SSC4D: variants seen among roughly 807,000 people sequenced by gnomAD.
SSC4D encodes the protein scavenger receptor cysteine-rich domain-containing group B protein.
A neutral mutation model predicts 63.4 loss-of-function variants in SSC4D; 57 were observed. The observed-to-expected ratio is 0.90, with a 90% CI of 0.73 to 1.12. The LOEUF (loss-of-function observed/expected upper bound fraction) is 1.12, where lower values mean the gene tolerates loss of function less well. Ranked by LOEUF, SSC4D falls within the 50% of genes most tolerant of loss-of-function variation. The probability of loss-of-function intolerance (pLI) is 0.00; values close to 1 mark genes in which losing one functional copy is unlikely to be tolerated. For missense variants in SSC4D, 791 were observed against 806.4 expected, an observed-to-expected ratio of 0.98 and a Z score of 0.23; for synonymous variants, 352 against 345.4, an observed-to-expected ratio of 1.02 and a Z score of -0.21.
intron 7 of SSC4D, 128 bp downstream of exon 7, chr7:76,395,125 G>A: frequency 9.8e-7 from 1 of 1,023,064 alleles, no homozygotes; most frequent in South Asian, 1.4e-5. Context: ...ACCCACCTCT[G>A]CACCATCTGG....
chr7:76,404,219 C>A, intron 2 of SSC4D, 88 bp downstream of exon 2: 1 of 1,443,320 alleles, frequency 6.9e-7, no homozygotes. Flanking sequence ...CGAGCTCATT[C>A]ACAACCCTCC....
intron 9 of SSC4D, among the ~76,000 whole-genome samples, chr7:76,392,966 T>G (rs1237220285): frequency 6.6e-6 from 1 of 152,184 alleles, no homozygotes; most frequent in African/African-American, 2.4e-5. Flanking sequence ...TCTGCCAAAC[T>G]GCAAACACCC....
At chr7:76,395,095 C>T (rs1804605495) in intron 7 of SSC4D, among the ~76,000 whole-genome samples, 158 bp downstream of exon 7, 1 of 152,048 alleles carries the variant, frequency 6.6e-6, no homozygotes, top group African/African-American at 2.4e-5. Context: ...ATCCTTGCTC[C>T]GTCTGCTCAT....
At position 76,390,022 on chromosome 7, in the gene SSC4D, C is replaced by G. The variant is rs1804459012; in HGVS notation, c.*37G>C. On this transcript the variant is annotated 3_prime_UTR_variant, in exon 11 of 11. Coordinates refer to ENST00000275560, the MANE Select transcript of SSC4D (RefSeq NM_080744.2). ...CCTGGAGGAGGAAGGGAGGTCACAGCTCCCAGAAGAAGAGGTGGTCTGCAG... is the reference window on the plus strand; with the variant it reads ...CCTGGAGGAGGAAGGGAGGTCACAGGTCCCAGAAGAAGAGGTGGTCTGCAG... 1.2e-6 allele frequency: 2 copies of G among 1,612,252 alleles called. No homozygotes were observed. Among genetic ancestry groups the G allele is most frequent in the Non-Finnish European group, 1.7e-6 (2 of 1,178,916 alleles).
At chr7:76,405,339 C>CTTTCTTTCTTTT (rs1271510975) in intron 1 of SSC4D, among the ~76,000 whole-genome samples, 1 of 21,392 alleles carries the variant, frequency 4.7e-5, no homozygotes, top group African/African-American at 2.1e-4. Context: ...TTCTTTCTTT[C>CTTTCTTTCTTTT]TTTTTTTTTT....
intron 10 of SSC4D, 115 bp downstream of exon 10, chr7:76,391,849 T>G (rs1804499726): frequency 9.1e-7 from 1 of 1,093,340 alleles, no homozygotes; most frequent in Non-Finnish European, 1.4e-6. Flanking sequence ...GGACAAGACT[T>G]CCAGGTCCCG....
At position 76,400,370 on chromosome 7, in the gene SSC4D, C is replaced by G; in HGVS notation, c.391G>C (p.Glu131Gln). Reference sequence around the variant, plus strand: ...CTGCCGCACTCGCTCAGCGCAGCTTCCTGCCCGCGGCACTCCACGTTGTCC... The same window carrying G: ...CTGCCGCACTCGCTCAGCGCAGCTTGCTGCCCGCGGCACTCCACGTTGTCC... ...LLDNVECRGQ[E>Q]AALSECGSRG... The change falls in exon 4 of 11, where the codon GAA becomes CAA. Residue 131 changes from glutamate to glutamine, a missense_variant. Physicochemically the swap from Glu to Gln is conservative, Grantham distance 29. Transcript: ENST00000275560. The G allele has an allele frequency of 1.3e-6, 2 of 1,587,250 alleles. No homozygotes were observed. The highest frequency in any genetic ancestry group is 1.7e-6 in the Non-Finnish European group (2 of 1,163,324).
chr7:76,399,224 G>T (rs572006148), intron 4 of SSC4D, among the ~76,000 whole-genome samples: 1 of 151,974 alleles, frequency 6.6e-6, no homozygotes, highest in Admixed American at 6.6e-5. Context: ...TGTTGGTCAG[G>T]CTGGTCTTGA....
At chr7:76,396,273 C>A (rs1043742051) in intron 6 of SSC4D, among the ~76,000 whole-genome samples, 7 of 152,226 alleles carry the variant, frequency 4.6e-5, no homozygotes, top group Non-Finnish European at 7.3e-5. Flanking sequence ...ATGAGATACG[C>A]CCACTCGTAT....
chr7:76,409,323 T>TCACACA (rs3081030), intron 1 of SSC4D, 91 bp downstream of exon 1: 17 of 146,428 alleles, frequency 1.2e-4, no homozygotes, highest in African/African-American at 4.0e-4. Context: ...TCTCTCTGTC[T>TCACACA]CACACACACA....
At position 76,400,455 on chromosome 7, in the gene SSC4D, G is replaced by A. The variant is rs1804782745; in HGVS notation, c.306C>T (p.Gly102=). 1.2e-6 allele frequency: 2 copies of A among 1,608,644 alleles called. No individual in the cohort carries two copies. Among genetic ancestry groups the A allele is most frequent in the Middle Eastern group, 1.6e-4 (1 of 6,066 alleles). The change falls in exon 4 of 11, where the codon GGC becomes GGT. Residue 102 remains glycine, a synonymous_variant. Coordinates refer to ENST00000275560, the MANE Select transcript of SSC4D (RefSeq NM_080744.2). The stretch of plus-strand genomic sequence containing the variant: ...GGGGCCGTGGCACGGGCAGTGCCAG[G>A]CCACAGCCCAGCTGGCGACACACTA... The part of the protein sequence containing the change: ...ANVVCRQLGC[G]LALPVPRPLA...
In SSC4D at chr7:76,392,026, C is replaced by A; in HGVS notation, c.1349G>T (p.Gly450Val). The A allele has an allele frequency of 1.3e-6, 2 of 1,577,694 alleles. No individual in the cohort carries two copies. Among genetic ancestry groups the A allele is most frequent in the East Asian group, 2.3e-5 (1 of 43,286 alleles). ...GALCAGPEELGLQVQQDGSET... is the reference protein window; with the variant it reads ...GALCAGPEELVLQVQQDGSET... The stretch of plus-strand genomic sequence containing the variant: ...AGAACCATCCTGCTGGACTTGCAGT[C>A]CCAGCTCCTCTGGGCCTGGTTCAGG... Residue 450 changes from glycine (G) to valine (V), a missense_variant, in exon 10 of 11, where the codon GGA (glycine) becomes GTA (valine). By Grantham distance (109) the Gly-to-Val change is moderately radical. Transcript: ENST00000275560.
chr7:76,393,889 G>A lies in SSC4D; in HGVS notation c.962C>T (p.Pro321Leu), dbSNP rs889226499. The stretch of plus-strand genomic sequence containing the variant: ...CAGTGCTGTCTCCCGGGAAGGCTGG[G>A]GGCCAACTCCTGTAGCTGTGGAGAC... ...QTDPSATGVG[P>L]QPSRETALLT... The change falls in exon 8 of 11, where the codon CCC (proline) becomes CTC (leucine). Residue 321 changes from proline to leucine, a missense_variant. By Grantham distance (98) the Pro-to-Leu change is moderately conservative (BLOSUM62 -3). Coordinates refer to ENST00000275560, the MANE Select transcript of SSC4D (RefSeq NM_080744.2). 6.2e-7 allele frequency: 1 copy of A among 1,605,054 alleles called. No homozygotes were observed. The highest frequency in any genetic ancestry group is 8.5e-7 in the Non-Finnish European group (1 of 1,175,512).
At chr7:76,394,472 G>A (rs150482155) in intron 7 of SSC4D, among the ~76,000 whole-genome samples, 1,883 of 150,720 alleles carry the variant, frequency 0.012, 25 homozygotes, top group Admixed American at 0.034. Flanking sequence ...GTGCAGTGGC[G>A]CAATCTCAGC....
At chr7:76,405,271 T>TTATATATA (rs1171830870) in intron 1 of SSC4D, among the ~76,000 whole-genome samples, 93 of 9,118 alleles carry the variant, frequency 0.01, 4 homozygotes, top group Non-Finnish European at 0.014. Flanking sequence ...ACCCAGCTAA[T>TTATATATA]TATATATATA....
Position 76,406,020 on chromosome 7 carries a change from C to T in SSC4D, c.-66-1515G>A, listed in dbSNP as rs547649047. 2.0e-5 allele frequency among the ~76,000 whole-genome samples: 3 copies of T among 150,808 alleles called. No individual in the cohort carries two copies. In the Admixed American group the frequency reaches 2.0e-4, roughly 10 times the overall value. On this transcript the variant is annotated intron_variant, in intron 1 of 10. Coordinates refer to ENST00000275560, the MANE Select transcript of SSC4D (RefSeq NM_080744.2). Reference sequence around the variant, plus strand: ...TTTCTTTCTTTGATGGAGTCTCGCTCTGTCGTCCAGGCTGGAATGCAATGG... The same window carrying T: ...TTTCTTTCTTTGATGGAGTCTCGCTTTGTCGTCCAGGCTGGAATGCAATGG...
Position 76,405,274 on chromosome 7 carries a change from TATA to T in SSC4D, c.-66-772_-66-770del, listed in dbSNP as rs1563686783. 8.0e-3 allele frequency among the ~76,000 whole-genome samples: 170 copies of T among 21,248 alleles called. 5 individuals carry two copies. Among genetic ancestry groups the T allele is most frequent in the Non-Finnish European group, 0.011 (142 of 12,844 alleles). 13.9% of individuals were successfully genotyped at this position (21,248 alleles called of 152,430 possible). A position where few individuals can be genotyped will look rare whatever the true frequency, so the allele number is the denominator to read the frequency against. ...GTGCATCACCACACCCAGCTAATTA[TATA>T]TATATATATATATATATATATATAT... is the stretch of plus-strand genomic sequence containing the variant. On this transcript the variant is annotated intron_variant, in intron 1 of 10. Transcript: ENST00000275560.
At chr7:76,407,969 A>T (rs77427637) in intron 1 of SSC4D, among the ~76,000 whole-genome samples, 6,173 of 152,132 alleles carry the variant, frequency 0.041, 179 homozygotes, top group Non-Finnish European at 0.06. Context: ...GAGGAAGGAG[A>T]GATGCGAAGG....
At chr7:76,393,747 G>A in intron 8 of SSC4D, 31 bp from the exon 9 acceptor site, 1 of 1,420,478 alleles carries the variant, frequency 7.0e-7, no homozygotes, top group South Asian at 1.4e-5. Context: ...CGGCCAGAGG[G>A]GCTGGGCTGG....
Sources: allele counts gnomAD v4.1 joint callset (sites outside exome capture counted in the v4.1 genomes callset), GRCh38; gene constraint gnomAD v4.1.1; transcripts MANE v1.5; gene names NCBI Gene and HGNC (gene_info 2026-07-23, HGNC 2026-07-21).